CAMK2A: variants seen among roughly 807,000 people sequenced by gnomAD.
CAMK2A encodes calcium/calmodulin-dependent protein kinase type II subunit alpha.
In CAMK2A, 7 loss-of-function variants were observed where a neutral mutation model predicts 79.2. That is an observed-to-expected ratio of 0.09 (90% CI 0.05 to 0.17). The LOEUF (loss-of-function observed/expected upper bound fraction) is 0.17, where lower values mean the gene tolerates loss of function less well. Ranked by LOEUF, CAMK2A falls within the 10% of genes least tolerant of loss-of-function variation. CAMK2A has a pLI of 1.00. For missense variants in CAMK2A, 214 were observed against 646.4 expected, an observed-to-expected ratio of 0.33 and a Z score of 7.25; for synonymous variants, 242 against 251.7, an observed-to-expected ratio of 0.96 and a Z score of 0.36.
intron 10 of CAMK2A, 98 bp downstream of exon 10, chr5:150,250,590 T>C: frequency 6.6e-7 from 1 of 1,515,340 alleles, no homozygotes; most frequent in South Asian, 1.2e-5. Flanking sequence ...TAAGCCCTCT[T>C]GGCCCCATGG....
At chr5:150,235,104 T>G (rs79207923) in intron 15 of CAMK2A, among the ~76,000 whole-genome samples, 1 of 152,108 alleles carries the variant, frequency 6.6e-6, no homozygotes, top group Non-Finnish European at 1.5e-5. Context: ...ATGTCTGGGG[T>G]AGCACTCTCT....
chr5:150,241,214 G>T (rs1202411267), intron 13 of CAMK2A, among the ~76,000 whole-genome samples: 2 of 152,176 alleles, frequency 1.3e-5, no homozygotes, highest in African/African-American at 4.8e-5. Flanking sequence ...GTGCTCACAG[G>T]GGCATAAATG....
Position 150,220,982 on chromosome 5 carries a change from C to T in CAMK2A, c.*1728G>A, listed in dbSNP as rs72837583. ...AGGGTACCGGAGCCTCCTCCAATCC[C>T]TGGGGACGTGGCTCTTCCTCCCCTA... On this transcript the variant is annotated 3_prime_UTR_variant, in exon 19 of 19. Coordinates refer to ENST00000671881, the MANE Select transcript of CAMK2A (RefSeq NM_015981.4). 3,859 of 152,940 alleles carry T rather than the reference C, an allele frequency of 0.025. 62 individuals are homozygous for T. The highest frequency in any genetic ancestry group is 0.039 in the Non-Finnish European group (2,698 of 68,368). The allele number at this position is 152,940 out of a possible 1,614,324, so 9.5% of individuals were successfully genotyped here.
At chr5:150,238,630 G>C (rs1338786541) in intron 15 of CAMK2A, 70 bp downstream of exon 15, 2 of 1,444,398 alleles carry the variant, frequency 1.4e-6, no homozygotes, top group Non-Finnish European at 1.9e-6. Flanking sequence ...GGAGCTGTCA[G>C]GAAAAAGAGG....
intron 17 of CAMK2A, among the ~76,000 whole-genome samples, chr5:150,224,882 C>A (rs10069362): frequency 6.6e-6 from 1 of 151,444 alleles, no homozygotes; most frequent in Non-Finnish European, 1.5e-5. Context: ...CAGTTTTGGC[C>A]GGGAGCAGTG....
intron 1 of CAMK2A, among the ~76,000 whole-genome samples, chr5:150,280,050 AC>A (rs1386321174): frequency 6.6e-6 from 1 of 151,886 alleles, no homozygotes; most frequent in Non-Finnish European, 1.5e-5. Context: ...CAGCTTGCTT[AC>A]TCTTCTGGGC....
chr5:150,250,357 A>G (rs781477344), intron 10 of CAMK2A, 48 bp from the exon 11 acceptor site: 18 of 1,502,000 alleles, frequency 1.2e-5, no homozygotes, highest in Non-Finnish European at 6.5e-6. Context: ...AGGCTGGAAG[A>G]CAGGCCCACC....
At chr5:150,258,811 A>C (rs1263047128) in intron 3 of CAMK2A, among the ~76,000 whole-genome samples, 3 of 152,238 alleles carry the variant, frequency 2.0e-5, no homozygotes, top group African/African-American at 7.2e-5. Flanking sequence ...GGCAGGCATC[A>C]GATACCCCAG....
At position 150,252,024 on chromosome 5, in the gene CAMK2A, G is replaced by T. The variant is rs1413906005; in HGVS notation, c.556C>A (p.Arg186=). 1.2e-6 allele frequency: 2 copies of T among 1,613,908 alleles called. No individual in the cohort carries two copies. The highest frequency in any genetic ancestry group is 2.7e-5 in the African/African-American group (2 of 75,002). ...TPGYLSPEVL[R]KDPYGKPVDL... ...ACAGGCTTCCCGTACGGGTCCTTCC[G>T]CAGCACTTCTGGGGAGAGATATCCA... Residue 186 remains arginine (R), a synonymous_variant, in exon 8 of 19, where the codon CGG becomes AGG. Coordinates refer to ENST00000671881, the MANE Select transcript of CAMK2A (RefSeq NM_015981.4).
intron 1 of CAMK2A, among the ~76,000 whole-genome samples, chr5:150,275,662 G>T (rs528142985): frequency 2.6e-4 from 39 of 152,298 alleles, no homozygotes; most frequent in African/African-American, 9.1e-4. Context: ...TTTACCAGTT[G>T]TGCATGTGTG....
Position 150,283,531 on chromosome 5 carries a change from T to C in CAMK2A, c.62+6033A>G, listed in dbSNP as rs540885701. Among the ~76,000 whole-genome samples the C allele has an allele frequency of 7.9e-5, 12 of 152,288 alleles. 1 individual carries two copies. The highest frequency in any genetic ancestry group is 2.9e-4 in the African/African-American group (12 of 41,564). ...CTGGAACTACAGGCGTGCACCACTG[T>C]GCCCAGCTAACCTCTGGGTAACTCT... On this transcript the variant is annotated intron_variant, in intron 1 of 18. Transcript: ENST00000671881.
At chr5:150,274,697 G>C (rs943681090) in intron 1 of CAMK2A, among the ~76,000 whole-genome samples, 5 of 152,200 alleles carry the variant, frequency 3.3e-5, no homozygotes, top group African/African-American at 1.2e-4. Context: ...TCAAGACTTT[G>C]AGCTCCAGTA....
intron 3 of CAMK2A, among the ~76,000 whole-genome samples, chr5:150,260,904 G>A (rs1756279745): frequency 6.6e-6 from 1 of 152,040 alleles, no homozygotes; most frequent in Non-Finnish European, 1.5e-5. Flanking sequence ...ATTCTTTCTG[G>A]TGGGCCATCA....
chr5:150,234,466 C>A (rs1754979822), intron 15 of CAMK2A, among the ~76,000 whole-genome samples: 1 of 152,070 alleles, frequency 6.6e-6, no homozygotes, highest in Non-Finnish European at 1.5e-5. Context: ...TAGTACTTAC[C>A]TTGTAGAGTT....
chr5:150,222,943 C>G, intron 18 of CAMK2A, 46 bp downstream of exon 18: 7 of 1,566,684 alleles, frequency 4.5e-6, no homozygotes, highest in Non-Finnish European at 6.2e-6. Flanking sequence ...GGGCAACACT[C>G]CCATCCTTTA....
Position 150,264,949 on chromosome 5 carries a change from G to A in CAMK2A, c.217+7C>T. 1 of 1,612,978 alleles carries A rather than the reference G, an allele frequency of 6.2e-7. No individual in the cohort carries two copies. The highest frequency in any genetic ancestry group is 8.5e-7 in the Non-Finnish European group (1 of 1,179,028). The stretch of plus-strand genomic sequence containing the variant: ...CCCCTGCGCCCCTCTCATCCCACAA[G>A]GCTCACCGATGTTGGGGTGCTTCAG... On this transcript the variant is annotated splice_region_variant and intron_variant, in intron 3 of 18. Coordinates refer to ENST00000671881, the MANE Select transcript of CAMK2A (RefSeq NM_015981.4).
At chr5:150,251,680 G>C in intron 9 of CAMK2A, 70 bp downstream of exon 9, 1 of 1,211,936 alleles carries the variant, frequency 8.3e-7, no homozygotes, top group Non-Finnish European at 1.2e-6. Flanking sequence ...ACTAGAGAGT[G>C]GCTTGGCGCT....
intron 9 of CAMK2A, 92 bp from the exon 10 acceptor site, chr5:150,250,902 G>T: frequency 1.4e-6 from 2 of 1,451,554 alleles, no homozygotes; most frequent in Non-Finnish European, 1.9e-6. Context: ...GCAGGCAGGG[G>T]TCCTACTGCC....
intron 2 of CAMK2A, among the ~76,000 whole-genome samples, chr5:150,271,402 G>A (rs751472046): frequency 2.6e-5 from 4 of 152,228 alleles, no homozygotes; most frequent in Non-Finnish European, 5.9e-5. Flanking sequence ...GCAACACTGA[G>A]CCAGAGAAGA....
Sources: allele counts gnomAD v4.1 joint callset (sites outside exome capture counted in the v4.1 genomes callset), GRCh38; gene constraint gnomAD v4.1.1; transcripts MANE v1.5; gene names NCBI Gene and HGNC (gene_info 2026-07-23, HGNC 2026-07-21).